Variants in OTOG observed in about 807,000 individuals in gnomAD.
The protein encoded by OTOG is otogelin.
OTOG carries 296 observed loss-of-function variants against 313.8 expected under a neutral mutation model. That is an observed-to-expected ratio of 0.94 (90% CI 0.86 to 1.04). The LOEUF (loss-of-function observed/expected upper bound fraction) is 1.04. OTOG is among the 50% of genes least tolerant of loss of function. The pLI, the probability that OTOG is intolerant of heterozygous loss-of-function variation, is 0.00. For missense variants in OTOG, 3,948 were observed against 3,840.1 expected (o/e 1.03, Z -0.74); for synonymous variants, 1,533 against 1,554.9 (o/e 0.99, Z 0.33).
chr11:17,562,274 T>C (rs1220851284), intron 15 of OTOG, among the ~76,000 whole-genome samples: 4 of 148,654 alleles, frequency 2.7e-5, no homozygotes, highest in African/African-American at 9.8e-5. Flanking sequence ...GTAATGGCTA[T>C]CTACAAAAAG....
In OTOG at chr11:17,611,189, C is replaced by T. The variant is rs377306838; in HGVS notation, c.5889C>T (p.Ser1963=). ...GCACAGCTCTGCCAGTGCCCACATC[C>T]TATGCCCTGAGCCGTGTCTCAGCCA... is the stretch of plus-strand genomic sequence containing the variant. ...QAGTALPVPT[S]YALSRVSART... is the part of the protein sequence containing the mutation. Residue 1963 remains serine, a synonymous_variant, in exon 36 of 56, where the codon TCC becomes TCT. Coordinates refer to ENST00000399397, the MANE Select transcript of OTOG (RefSeq NM_001292063.2). 23 of 1,550,586 alleles carry T rather than the reference C, an allele frequency of 1.5e-5. No homozygotes were observed. In the South Asian group the frequency reaches 2.6e-4, roughly 18 times the overall value.
intron 24 of OTOG, among the ~76,000 whole-genome samples, chr11:17,589,801 C>T (rs527483630): frequency 2.0e-5 from 3 of 152,256 alleles, no homozygotes; most frequent in African/African-American, 7.2e-5. Context: ...CTAAGGTCAC[C>T]AGTAACTTCA....
intron 49 of OTOG, 92 bp downstream of exon 49, chr11:17,639,555 T>C: frequency 2.2e-6 from 3 of 1,343,748 alleles, no homozygotes; most frequent in Non-Finnish European, 3.1e-6. Flanking sequence ...TCCTTTAATC[T>C]AGTGCAAGGA....
At chr11:17,643,737 C>T (rs920801249) in intron 54 of OTOG, among the ~76,000 whole-genome samples, 1 of 152,242 alleles carries the variant, frequency 6.6e-6, no homozygotes, top group Non-Finnish European at 1.5e-5. Flanking sequence ...ACCTCTGCTT[C>T]TTGTCACAGC....
At chr11:17,598,588 A>C (rs1853168749) in intron 30 of OTOG, among the ~76,000 whole-genome samples, 1 of 152,162 alleles carries the variant, frequency 6.6e-6, no homozygotes, top group African/African-American at 2.4e-5. Context: ...AGATGTACGT[A>C]GCGGTCCCAC....
intron 19 of OTOG, 27 bp from the exon 20 acceptor site, chr11:17,574,693 G>T (rs1852478584): frequency 6.5e-7 from 1 of 1,541,734 alleles, no homozygotes; most frequent in South Asian, 1.2e-5. Flanking sequence ...GGGAGACAAA[G>T]CATGCACCAC....
chr11:17,623,332 G>GT (rs1414618784), intron 39 of OTOG, among the ~76,000 whole-genome samples: 6 of 152,018 alleles, frequency 3.9e-5, no homozygotes, highest in African/African-American at 1.5e-4. Context: ...AGTATCTGTT[G>GT]TTCCCCTCTA....
intron 31 of OTOG, among the ~76,000 whole-genome samples, chr11:17,601,365 C>T (rs956977189): frequency 3.3e-5 from 5 of 151,918 alleles, no homozygotes; most frequent in East Asian, 1.9e-4. Context: ...AGGCACAAAA[C>T]GGGGAGGACT....
chr11:17,582,670 T>C (rs1364238585), intron 23 of OTOG, among the ~76,000 whole-genome samples: 1 of 152,254 alleles, frequency 6.6e-6, no homozygotes, highest in Admixed American at 6.5e-5. Flanking sequence ...AGCAAGTACA[T>C]GGTCCTATCT....
rs180696186 is a variant in OTOG at position 17,626,088 on chromosome 11, T to A, written c.6529-3045T>A. Among the ~76,000 whole-genome samples the A allele has an allele frequency of 4.8e-3, 730 of 152,330 alleles. 4 individuals carry two copies. Among genetic ancestry groups the A allele is most frequent in the Non-Finnish European group, 7.6e-3 (514 of 68,030 alleles). On this transcript the variant is annotated intron_variant, in intron 39 of 55. Transcript: ENST00000399397. ...TTCCCCAATGTATGTTCTTGGCACT[T>A]TTGTCGAAAATGAGTTCACTGAAGG...
rs1441581344 is a variant in OTOG at position 17,612,155 on chromosome 11, TACC to T, written c.6124-6_6124-4del. The T allele has an allele frequency of 6.5e-7, 1 of 1,549,060 alleles. No individual in the cohort carries two copies. The highest frequency in any genetic ancestry group is 8.7e-7 in the Non-Finnish European group (1 of 1,146,956). ...GGTCACTCACACTTCCTCCACTCTGTACCCAGCCAATCGCCGAGCAGGACTGCG... is the reference window on the plus strand; with the variant it reads ...GGTCACTCACACTTCCTCCACTCTGTCAGCCAATCGCCGAGCAGGACTGCG... On this transcript the variant is annotated splice_polypyrimidine_tract_variant and splice_region_variant and intron_variant, in intron 36 of 55. Transcript: ENST00000399397.
intron 3 of OTOG, among the ~76,000 whole-genome samples, chr11:17,549,686 A>C (rs75290676): frequency 0.021 from 3,128 of 152,212 alleles, 44 homozygotes; most frequent in Middle Eastern, 0.068. Flanking sequence ...CAAACACTTC[A>C]TTTCCCTGTG....
chr11:17,564,949 T>C (rs1319585380), intron 15 of OTOG, among the ~76,000 whole-genome samples: 1 of 152,236 alleles, frequency 6.6e-6, no homozygotes, highest in Non-Finnish European at 1.5e-5. Context: ...AGTGTTTTTT[T>C]AAAGTAGACT....
rs780861655 is a variant in OTOG at position 17,576,850 on chromosome 11, G to A, written c.2562-18G>A. 36 of 1,550,216 alleles carry A rather than the reference G, an allele frequency of 2.3e-5. No individual in the cohort carries two copies. In the East Asian group the frequency reaches 7.1e-4, roughly 31 times the overall value. Reference sequence around the variant, plus strand: ...AGTGACTGGGTCGGCTAACCCCAGGGCCCGTCTCTCTCTGCAGCCACTGCA... The same window carrying A: ...AGTGACTGGGTCGGCTAACCCCAGGACCCGTCTCTCTCTGCAGCCACTGCA... On this transcript the variant is annotated intron_variant, in intron 21 of 55. Coordinates refer to ENST00000399397, the MANE Select transcript of OTOG (RefSeq NM_001292063.2).
Position 17,613,658 on chromosome 11 carries a change from C to T in OTOG, c.6485C>T (p.Thr2162Ile). Residue 2162 changes from threonine to isoleucine, a missense_variant, in exon 39 of 56, where the codon ACT becomes ATT. Transcript: ENST00000399397. Reference sequence around the variant, plus strand: ...TTCTGTCTGGTGATGTTGAACATGACTCACTTGGCCCATCAGGTCACTATT... The same window carrying T: ...TTCTGTCTGGTGATGTTGAACATGATTCACTTGGCCCATCAGGTCACTATT... ...PPFCLVMLNM[T>I]HLAHQVTIDR... is the part of the protein sequence containing the mutation. The T allele has an allele frequency of 6.4e-7, 1 of 1,550,818 alleles. No homozygotes were observed.
At chr11:17,575,446 G>A (rs1852502535) in intron 20 of OTOG, among the ~76,000 whole-genome samples, 1 of 152,160 alleles carries the variant, frequency 6.6e-6, no homozygotes, top group Non-Finnish European at 1.5e-5. Context: ...TTTCTGCGGA[G>A]GTGAGGTCTG....
chr11:17,644,213 G>T (rs1207501977), intron 54 of OTOG, among the ~76,000 whole-genome samples: 1 of 152,242 alleles, frequency 6.6e-6, no homozygotes, highest in Non-Finnish European at 1.5e-5. Flanking sequence ...CCAATGCCTC[G>T]GACTGCCACT....
At chr11:17,552,124 TG>T in intron 4 of OTOG, 49 bp downstream of exon 4, 1 of 1,526,954 alleles carries the variant, frequency 6.5e-7, no homozygotes, top group East Asian at 2.5e-5. Context: ...GGGAGAGCCC[TG>T]GCAGAGGCCT....
At chr11:17,613,247 CTTTCTT>C in intron 38 of OTOG, among the ~76,000 whole-genome samples, 1 of 125,344 alleles carries the variant, frequency 8.0e-6, no homozygotes, top group African/African-American at 3.4e-5. Context: ...TTCTTTCTTT[CTTTCTT>C]TCTTTCTTTC....
Sources: allele counts gnomAD v4.1 joint callset (sites outside exome capture counted in the v4.1 genomes callset), GRCh38; gene constraint gnomAD v4.1.1; transcripts MANE v1.5; gene names NCBI Gene and HGNC (gene_info 2026-07-23, HGNC 2026-07-21).